The following MAPKAP1 variants were observed in gnomAD, a reference collection of about 807,000 sequenced individuals.
The protein encoded by MAPKAP1 is target of rapamycin complex 2 subunit MAPKAP1.
A neutral mutation model predicts 65.7 loss-of-function variants in MAPKAP1; 20 were observed. That is an observed-to-expected ratio of 0.30 (90% CI 0.21 to 0.44). MAPKAP1 has a LOEUF of 0.44. Ranked by LOEUF, MAPKAP1 falls within the 20% of genes least tolerant of loss-of-function variation. The pLI is 1.00. For synonymous variants in MAPKAP1, 222 were observed against 244.3 expected, an observed-to-expected ratio of 0.91 and a Z score of 0.85; for missense variants, 423 against 648.0, an observed-to-expected ratio of 0.65 and a Z score of 3.77.
intron 10 of MAPKAP1, among the ~76,000 whole-genome samples, chr9:125,466,406 A>T (rs549357462): frequency 6.6e-6 from 1 of 152,200 alleles, no homozygotes; most frequent in East Asian, 1.9e-4. Flanking sequence ...TTAAGGAAAA[A>T]ACCTGAATCC....
At chr9:125,677,390 G>T (rs937463014) in intron 1 of MAPKAP1, among the ~76,000 whole-genome samples, 2 of 151,720 alleles carry the variant, frequency 1.3e-5, no homozygotes, top group African/African-American at 4.9e-5. Flanking sequence ...AACGGAGCAA[G>T]ACTCCATCTG....
intron 6 of MAPKAP1, among the ~76,000 whole-genome samples, chr9:125,548,662 AT>A (rs1043518492): frequency 2.6e-5 from 4 of 152,224 alleles, no homozygotes; most frequent in African/African-American, 9.6e-5. Context: ...CATATAATAA[AT>A]GCTTATAGAT....
intron 8 of MAPKAP1, among the ~76,000 whole-genome samples, chr9:125,495,611 A>G (rs957998631): frequency 6.6e-6 from 1 of 152,246 alleles, no homozygotes; most frequent in Admixed American, 6.5e-5. Flanking sequence ...CTTGAATACT[A>G]ATTACTACCT....
chr9:125,689,165 C>T (rs998709752), intron 1 of MAPKAP1, among the ~76,000 whole-genome samples: 5 of 151,422 alleles, frequency 3.3e-5, no homozygotes, highest in Non-Finnish European at 5.9e-5. Context: ...CAGCCGGGCG[C>T]GGTGGCTCAC....
chr9:125,667,836 TAAG>T (rs1266919647), intron 3 of MAPKAP1, among the ~76,000 whole-genome samples: 1 of 152,168 alleles, frequency 6.6e-6, no homozygotes, highest in Non-Finnish European at 1.5e-5. Flanking sequence ...AAGAGATTAA[TAAG>T]AACTGCTTTA....
chr9:125,553,762 A>C (rs2133198082), intron 6 of MAPKAP1, among the ~76,000 whole-genome samples: 1 of 152,242 alleles, frequency 6.6e-6, no homozygotes, highest in Admixed American at 6.5e-5. Context: ...CTGAGCTAGA[A>C]GCGGTGGCTG....
intron 9 of MAPKAP1, among the ~76,000 whole-genome samples, chr9:125,474,602 C>T (rs539785447): frequency 6.6e-6 from 1 of 152,126 alleles, no homozygotes; most frequent in Non-Finnish European, 1.5e-5. Context: ...TCTGACTTGC[C>T]AGCTGTTTCC....
intron 3 of MAPKAP1, among the ~76,000 whole-genome samples, chr9:125,667,671 A>G (rs928478404): frequency 6.6e-6 from 1 of 152,050 alleles, no homozygotes; most frequent in African/African-American, 2.4e-5. Context: ...CTTGGCCTCC[A>G]AAAGTGTTGG....
chr9:125,572,366 A>G (rs549966888), intron 5 of MAPKAP1, among the ~76,000 whole-genome samples: 2 of 152,344 alleles, frequency 1.3e-5, no homozygotes, highest in South Asian at 4.1e-4. Flanking sequence ...ATCAAAGCCA[A>G]TTTTAAAAGA....
At chr9:125,454,364 T>C (rs1853082003) in intron 10 of MAPKAP1, among the ~76,000 whole-genome samples, 2 of 152,224 alleles carry the variant, frequency 1.3e-5, no homozygotes, top group South Asian at 4.1e-4. Context: ...TATGACAAGC[T>C]TGAGTTTGCA....
chr9:125,447,254 A>G lies in MAPKAP1; in HGVS notation c.1346-2656T>C, dbSNP rs368184249. On this transcript the variant is annotated intron_variant, in intron 10 of 11. Transcript: ENST00000265960. The surrounding 1 kb of genome is among the most constrained non-coding windows in gnomAD (Gnocchi z 4.5). ...AAGAGTGAAGCAGGTGAGGAGGAGG[A>G]AGAGTCCCAACATTCCCCCACTCTC... 130 of 383,404 alleles carry G rather than the reference A, an allele frequency of 3.4e-4. 1 individual carries two copies. The East Asian group carries it at 8.2e-3, about 24-fold the overall frequency. 23.8% of individuals were successfully genotyped at this position (383,404 alleles called of 1,614,324 possible). A position where few individuals can be genotyped will look rare whatever the true frequency, so the allele number is the denominator to read the frequency against.
intron 1 of MAPKAP1, among the ~76,000 whole-genome samples, chr9:125,691,326 T>C (rs11793676): frequency 0.027 from 4,091 of 149,342 alleles, 85 homozygotes; most frequent in Non-Finnish European, 0.044. Flanking sequence ...ATGTGAAGGA[T>C]TAAGAAGGGG....
chr9:125,544,398 T>C (rs1321077195), intron 6 of MAPKAP1, among the ~76,000 whole-genome samples: 1 of 152,098 alleles, frequency 6.6e-6, no homozygotes, highest in Non-Finnish European at 1.5e-5. Context: ...GAAGCACAAG[T>C]AATTATAAGA....
intron 10 of MAPKAP1, among the ~76,000 whole-genome samples, chr9:125,455,834 TA>T (rs956412711): frequency 1.1e-3 from 163 of 152,388 alleles, no homozygotes; most frequent in African/African-American, 3.8e-3. Flanking sequence ...ATATCGTTGG[TA>T]ACTGATATTT....
At chr9:125,697,722 G>A (rs1441324316) in intron 1 of MAPKAP1, among the ~76,000 whole-genome samples, 4 of 152,068 alleles carry the variant, frequency 2.6e-5, no homozygotes, top group Non-Finnish European at 5.9e-5. Flanking sequence ...AAGCTCAAAA[G>A]GCATGCATAA....
intron 4 of MAPKAP1, among the ~76,000 whole-genome samples, chr9:125,618,371 A>AAAAAAAAG (rs1832803741): frequency 7.2e-6 from 1 of 138,802 alleles, no homozygotes; most frequent in Admixed American, 7.4e-5. Flanking sequence ...AAAAAAAAAA[A>AAAAAAAAG]GGCAATAGGC....
intron 10 of MAPKAP1, among the ~76,000 whole-genome samples, chr9:125,466,102 G>A (rs1042781465): frequency 2.0e-5 from 3 of 152,184 alleles, no homozygotes; most frequent in Non-Finnish European, 2.9e-5. Context: ...TCTTCTGGCT[G>A]AGAGTGGTGG....
At chr9:125,540,592 G>C (rs1830215694) in intron 7 of MAPKAP1, among the ~76,000 whole-genome samples, 1 of 152,202 alleles carries the variant, frequency 6.6e-6, no homozygotes, top group African/African-American at 2.4e-5. Flanking sequence ...AGGTAAAAGG[G>C]GTTTGACGAC....
At chr9:125,684,406 A>G (rs1834912023) in intron 1 of MAPKAP1, among the ~76,000 whole-genome samples, 1 of 152,178 alleles carries the variant, frequency 6.6e-6, no homozygotes, top group East Asian at 1.9e-4. Flanking sequence ...ACAAAAAATT[A>G]TACCTCCCCA....
Sources: gnomAD v4.1 joint callset for allele counts (sites outside exome capture counted in the v4.1 genomes callset) on GRCh38, gnomAD v4.1.1 for gene constraint, Gnocchi (gnomAD v3.1) non-coding constraint, MANE v1.5 for transcripts, NCBI Gene and HGNC (gene_info 2026-07-23, HGNC 2026-07-21) for gene names.